The following ATP2B2 variants were observed in gnomAD, a reference collection of about 807,000 sequenced individuals.
The protein encoded by ATP2B2 is plasma membrane calcium-transporting ATPase 2.
In ATP2B2, 15 loss-of-function variants were observed where a neutral mutation model predicts 120.0. The observed-to-expected ratio is 0.12, with a 90% CI of 0.08 to 0.19. ATP2B2 has a LOEUF of 0.19. Ranked by LOEUF, ATP2B2 falls within the 10% of genes least tolerant of loss-of-function variation. ATP2B2 has a pLI of 1.00. For missense variants in ATP2B2, 1,045 were observed against 1,719.8 expected (o/e 0.61, Z 6.94); for synonymous variants, 694 against 700.3 (o/e 0.99, Z 0.14).
chr3:10,693,171 T>A (rs575302284), intron 1 of ATP2B2, among the ~76,000 whole-genome samples: 1 of 152,130 alleles, frequency 6.6e-6, no homozygotes, highest in Non-Finnish European at 1.5e-5. Flanking sequence ...GGCTTGACAA[T>A]CACACTTTTT....
chr3:10,504,171 A>AC (rs1261724975), intron 1 of ATP2B2, among the ~76,000 whole-genome samples: 2 of 151,822 alleles, frequency 1.3e-5, no homozygotes, highest in Non-Finnish European at 2.9e-5. Flanking sequence ...TGGACCCCCA[A>AC]CCCCCCACAG....
chr3:10,340,838 G>T lies in ATP2B2; in HGVS notation c.2918-134C>A, dbSNP rs191631300. On this transcript the variant is annotated intron_variant, in intron 19 of 22. Transcript: ENST00000360273. This position sits in a 1 kb window ranked among gnomAD's most constrained non-coding sequence, Gnocchi z 5.0. The stretch of plus-strand genomic sequence containing the variant: ...AGACATCAAGGCATGCTTGGACAGT[G>T]GGGGGCCAGGGCTGTGCTGTCAGCT... 9 of 875,708 alleles carry T rather than the reference G, an allele frequency of 1.0e-5. No individual in the cohort carries two copies. The highest frequency in any genetic ancestry group is 1.5e-5 in the Non-Finnish European group (8 of 540,898). The allele number at this position is 875,708 out of a possible 1,614,324, so 54.2% of individuals were successfully genotyped here. A position where few individuals can be genotyped will look rare whatever the true frequency, so the allele number is the denominator to read the frequency against.
intron 1 of ATP2B2, among the ~76,000 whole-genome samples, chr3:10,668,842 C>T (rs750414740): frequency 5.3e-5 from 8 of 152,224 alleles, no homozygotes; most frequent in East Asian, 1.9e-4. Context: ...TAGCATGGAG[C>T]ACAGCACAAT....
At chr3:10,653,552 G>A (rs1377996611) in intron 1 of ATP2B2, among the ~76,000 whole-genome samples, 2 of 152,110 alleles carry the variant, frequency 1.3e-5, no homozygotes, top group African/African-American at 2.4e-5. Context: ...AGAATGCTCC[G>A]CCAAAGGCAG....
chr3:10,502,495 G>A (rs1366627894), intron 1 of ATP2B2, among the ~76,000 whole-genome samples: 1 of 152,212 alleles, frequency 6.6e-6, no homozygotes, highest in Non-Finnish European at 1.5e-5. Flanking sequence ...CTTGTCTGGG[G>A]CCTGAGAGCA....
intron 1 of ATP2B2, among the ~76,000 whole-genome samples, chr3:10,472,310 A>G (rs1268006912): frequency 2.0e-5 from 3 of 151,962 alleles, no homozygotes; most frequent in Non-Finnish European, 2.9e-5. Flanking sequence ...CAGAAGCCCA[A>G]ATGCAAAGAT....
intron 1 of ATP2B2, among the ~76,000 whole-genome samples, chr3:10,706,531 C>A (rs1208910599): frequency 6.6e-6 from 1 of 152,154 alleles, no homozygotes; most frequent in Non-Finnish European, 1.5e-5. Flanking sequence ...TATAGACAGG[C>A]ACAGATGCTC....
chr3:10,538,710 T>C (rs954334917), intron 2 of ATP2B2, among the ~76,000 whole-genome samples: 11 of 152,196 alleles, frequency 7.2e-5, no homozygotes, highest in Admixed American at 2.0e-4. Context: ...AAATTAGGTA[T>C]TGATGGGACG....
intron 2 of ATP2B2, among the ~76,000 whole-genome samples, chr3:10,436,356 T>A (rs2063479812): frequency 6.6e-6 from 1 of 152,256 alleles, no homozygotes; most frequent in Non-Finnish European, 1.5e-5. Flanking sequence ...AAATACCGTA[T>A]AATGGTGTGC....
chr3:10,502,800 T>A (rs1238622188), intron 1 of ATP2B2, among the ~76,000 whole-genome samples: 1 of 152,236 alleles, frequency 6.6e-6, no homozygotes, highest in Non-Finnish European at 1.5e-5. Flanking sequence ...GTTCTTGAGC[T>A]ATAGGTTCCC....
intron 1 of ATP2B2, among the ~76,000 whole-genome samples, chr3:10,706,690 C>T (rs956836141): frequency 6.6e-6 from 1 of 152,176 alleles, no homozygotes; most frequent in Non-Finnish European, 1.5e-5. Flanking sequence ...AGACCATACA[C>T]TAAGCATGGG....
At chr3:10,663,329 C>G (rs1172154583) in intron 1 of ATP2B2, among the ~76,000 whole-genome samples, 1 of 152,140 alleles carries the variant, frequency 6.6e-6, no homozygotes, top group African/African-American at 2.4e-5. Flanking sequence ...CCTGCTGACC[C>G]TAAGATGGGG....
At chr3:10,387,953 T>C in intron 6 of ATP2B2, 1 of 382,932 alleles carries the variant, frequency 2.6e-6, no homozygotes, top group South Asian at 2.1e-5. Flanking sequence ...ACTGGAGTGA[T>C]GATGGGACCA....
chr3:10,400,907 CT>C (rs1248793570), intron 5 of ATP2B2, 45 bp downstream of exon 5: 18 of 1,612,438 alleles, frequency 1.1e-5, no homozygotes, highest in Non-Finnish European at 1.4e-5. Context: ...CAGGCATCCC[CT>C]GTGCATGGCG....
rs367994179 is a variant in ATP2B2, at chr3:10,371,786, G to A, written c.1659+23C>T. On this transcript the variant is annotated intron_variant, in intron 12 of 22. Transcript: ENST00000360273. ...TCCCATGGATGTTGCTCCAGGTGGTGGATGTGCCTGGTCCACACTTACCAG... is the reference window on the plus strand; with the variant it reads ...TCCCATGGATGTTGCTCCAGGTGGTAGATGTGCCTGGTCCACACTTACCAG... 1.8e-4 allele frequency: 284 copies of A among 1,613,998 alleles called. 1 individual carries two copies. The highest frequency in any genetic ancestry group is 8.2e-4 in the Middle Eastern group (5 of 6,084).
At position 10,331,779 on chromosome 3, in the gene ATP2B2, G is replaced by C. The variant is rs1390770730; in HGVS notation, c.3421-2654C>G. The C allele has an allele frequency of 1.5e-5, 7 of 453,116 alleles. No individual in the cohort carries two copies. In the East Asian group the frequency reaches 2.2e-4, roughly 14 times the overall value. 28.1% of individuals were successfully genotyped at this position (453,116 alleles called of 1,614,324 possible). A position where few individuals can be genotyped will look rare whatever the true frequency, so the allele number is the denominator to read the frequency against. On this transcript the variant is annotated intron_variant, in intron 22 of 22. Coordinates refer to ENST00000360273, the MANE Select transcript of ATP2B2 (RefSeq NM_001001331.4). ...GAGGGGAAGGAGAGGAAGGGACCTG[G>C]TGAGCGGGGTTTCAGATGTTTTGGT...
intron 1 of ATP2B2, among the ~76,000 whole-genome samples, chr3:10,496,269 C>T (rs928825354): frequency 6.6e-6 from 1 of 152,192 alleles, no homozygotes; most frequent in African/African-American, 2.4e-5. Flanking sequence ...TTGGTGCCCA[C>T]CCTAGTCCTC....
At chr3:10,682,031 G>A (rs919990300) in intron 1 of ATP2B2, among the ~76,000 whole-genome samples, 8 of 152,216 alleles carry the variant, frequency 5.3e-5, no homozygotes, top group African/African-American at 1.7e-4. Context: ...AGGCATTAGA[G>A]CTGGGTCATG....
intron 3 of ATP2B2, among the ~76,000 whole-genome samples, chr3:10,512,422 G>A (rs921527313): frequency 1.7e-4 from 25 of 150,170 alleles, no homozygotes; most frequent in African/African-American, 5.7e-4. Context: ...GGCCACATCA[G>A]CTACCTCTGC....
Sources: gnomAD v4.1 joint callset for allele counts (sites outside exome capture counted in the v4.1 genomes callset) on GRCh38, gnomAD v4.1.1 for gene constraint, Gnocchi (gnomAD v3.1) non-coding constraint, MANE v1.5 for transcripts, NCBI Gene and HGNC (gene_info 2026-07-23, HGNC 2026-07-21) for gene names.